NPAS3: variants seen among roughly 807,000 people sequenced by gnomAD.
NPAS3 encodes the protein neuronal PAS domain-containing protein 3.
In NPAS3, 14 loss-of-function variants were observed where a neutral mutation model predicts 73.1. The ratio of observed to expected loss-of-function variants is 0.19; its 90% CI spans 0.13 to 0.30. NPAS3 has a LOEUF of 0.30. Among genes scored for constraint, NPAS3 ranks in the 10% least tolerant of loss-of-function variants. The pLI is 1.00. For missense variants in NPAS3, 1,096 were observed against 1,250.0 expected (o/e 0.88, Z 1.86); for synonymous variants, 620 against 541.5 (o/e 1.14, Z -2.01).
At chr14:33,667,442 A>T (rs1232208886) in intron 5 of NPAS3, among the ~76,000 whole-genome samples, 1 of 152,102 alleles carries the variant, frequency 6.6e-6, no homozygotes, top group Non-Finnish European at 1.5e-5. Context: ...ATACCCTAAG[A>T]TATACAGGAT....
chr14:33,023,029 T>C (rs1486143613), intron 1 of NPAS3, among the ~76,000 whole-genome samples: 3 of 151,996 alleles, frequency 2.0e-5, no homozygotes, highest in Non-Finnish European at 4.4e-5. Context: ...ACCTGAGAGC[T>C]GCCCTCAAAG....
intron 5 of NPAS3, chr14:33,578,180 T>C (rs2139859826): frequency 2.6e-5 from 12 of 456,032 alleles, no homozygotes; most frequent in South Asian, 1.7e-4. Context: ...CCAGATGAAC[T>C]ACCAACACCT....
At chr14:33,189,132 C>A (rs895189361) in intron 2 of NPAS3, among the ~76,000 whole-genome samples, 1 of 152,106 alleles carries the variant, frequency 6.6e-6, no homozygotes, top group Non-Finnish European at 1.5e-5. Flanking sequence ...CTTTTTATGC[C>A]AAGGAGAATG....
At chr14:33,162,307 C>A (rs978476317) in intron 2 of NPAS3, among the ~76,000 whole-genome samples, 4 of 151,978 alleles carry the variant, frequency 2.6e-5, no homozygotes, top group Non-Finnish European at 5.9e-5. Flanking sequence ...TTTTATCTAA[C>A]CTCTACTTCA....
At chr14:32,946,348 G>GCGCACACACACACACACACACA (rs1233572564) in intron 1 of NPAS3, among the ~76,000 whole-genome samples, 2 of 139,314 alleles carry the variant, frequency 1.4e-5, no homozygotes, top group Non-Finnish European at 3.1e-5. Context: ...ACACACACGC[G>GCGCACACACACACACACACACA]CACACACACA....
chr14:33,540,974 C>T (rs1216298520), intron 4 of NPAS3, among the ~76,000 whole-genome samples: 3 of 151,890 alleles, frequency 2.0e-5, no homozygotes, highest in Non-Finnish European at 2.9e-5. Context: ...TTGTTTAATG[C>T]GTTTTCCCCC....
chr14:33,175,928 A>C (rs1213305582), intron 2 of NPAS3, among the ~76,000 whole-genome samples: 3 of 152,210 alleles, frequency 2.0e-5, no homozygotes, highest in South Asian at 2.1e-4. Context: ...ACAACAACAA[A>C]AAAAATCAAA....
intron 5 of NPAS3, among the ~76,000 whole-genome samples, chr14:33,629,546 C>G (rs574358972): frequency 1.3e-5 from 2 of 151,794 alleles, no homozygotes; most frequent in East Asian, 3.9e-4. Flanking sequence ...GAGGCTTGTA[C>G]TCCTCAATGG....
chr14:33,185,114 A>G (rs2045934966), intron 2 of NPAS3, among the ~76,000 whole-genome samples: 1 of 152,170 alleles, frequency 6.6e-6, no homozygotes, highest in Admixed American at 6.6e-5. Flanking sequence ...CATTTAGCCA[A>G]TCAAGATTAT....
intron 2 of NPAS3, among the ~76,000 whole-genome samples, chr14:33,069,204 A>C (rs11627267): frequency 0.52 from 79,453 of 151,984 alleles, 21,252 homozygotes; most frequent in East Asian, 0.83. Context: ...TTAAATACTA[A>C]TGTATCATTG....
At chr14:33,351,474 C>A (rs1308888955) in intron 3 of NPAS3, among the ~76,000 whole-genome samples, 1 of 152,208 alleles carries the variant, frequency 6.6e-6, no homozygotes, top group Non-Finnish European at 1.5e-5. Flanking sequence ...ATTAGGCAGT[C>A]ATAATTTAAC....
rs554339617 is a variant in NPAS3 at position 33,158,261 on chromosome 14, C to G, written c.141-56921C>G. Reference sequence around the variant, plus strand: ...TAGAAAGTTGAATTTTTAGGCCCAGCCTGGGAACTACTAAATTGGAAGCTT... The same window carrying G: ...TAGAAAGTTGAATTTTTAGGCCCAGGCTGGGAACTACTAAATTGGAAGCTT... On this transcript the variant is annotated intron_variant, in intron 2 of 11. Coordinates refer to ENST00000356141, the Ensembl canonical transcript of NPAS3. 3.5e-3 allele frequency among the ~76,000 whole-genome samples: 529 copies of G among 152,240 alleles called. 4 individuals are homozygous for G. The highest frequency in any genetic ancestry group is 5.2e-3 in the Non-Finnish European group (352 of 68,028).
At chr14:33,001,886 T>C (rs2038821116) in intron 1 of NPAS3, among the ~76,000 whole-genome samples, 1 of 152,244 alleles carries the variant, frequency 6.6e-6, no homozygotes, top group Non-Finnish European at 1.5e-5. Context: ...AAAGAATCAC[T>C]GTTCCCTAGC....
At chr14:33,165,533 T>C (rs1210806850) in intron 2 of NPAS3, among the ~76,000 whole-genome samples, 1 of 152,030 alleles carries the variant, frequency 6.6e-6, no homozygotes, top group Non-Finnish European at 1.5e-5. Context: ...AAAGCATGCG[T>C]AGTGTAAATA....
chr14:33,656,045 GTC>G (rs1297246880), intron 5 of NPAS3, among the ~76,000 whole-genome samples: 1 of 152,136 alleles, frequency 6.6e-6, no homozygotes, highest in African/African-American at 2.4e-5. Context: ...TGCCTCTCTT[GTC>G]TCTATTCCTA....
intron 1 of NPAS3, among the ~76,000 whole-genome samples, chr14:33,048,965 A>G (rs1437492708): frequency 1.3e-5 from 2 of 152,218 alleles, no homozygotes; most frequent in Non-Finnish European, 2.9e-5. Context: ...TCCTTTCAAG[A>G]CACTGATCTT....
At chr14:32,967,208 C>G (rs996228480) in intron 1 of NPAS3, among the ~76,000 whole-genome samples, 7 of 152,184 alleles carry the variant, frequency 4.6e-5, no homozygotes, top group Middle Eastern at 3.2e-3. Flanking sequence ...TCATGATCCA[C>G]TTCCACTTAA....
In NPAS3 at chr14:33,630,104, C is replaced by T. The variant is rs2058336990; in HGVS notation, c.559-46107C>T. The stretch of plus-strand genomic sequence containing the variant: ...TCTTCCAGGACATATTCCTGGAGTT[C>T]CTATTTACTTTGTCTCCCCACATGT... On this transcript the variant is annotated intron_variant, in intron 5 of 11. Coordinates refer to ENST00000356141, the Ensembl canonical transcript of NPAS3. Among the ~76,000 whole-genome samples the T allele has an allele frequency of 2.6e-5, 4 of 152,144 alleles. No homozygotes were observed. In the South Asian group the frequency reaches 8.3e-4, roughly 32 times the overall value.
At chr14:33,284,544 G>A (rs530449239) in intron 3 of NPAS3, among the ~76,000 whole-genome samples, 25 of 152,166 alleles carry the variant, frequency 1.6e-4, no homozygotes, top group African/African-American at 6.0e-4. Context: ...CCACAAATCT[G>A]CCACATTATA....
Sources: allele counts gnomAD v4.1 joint callset (sites outside exome capture counted in the v4.1 genomes callset), GRCh38; gene constraint gnomAD v4.1.1; transcripts MANE v1.5; gene names NCBI Gene and HGNC (gene_info 2026-07-23, HGNC 2026-07-21).